Variants in NKD1 observed in about 807,000 individuals in gnomAD.
NKD1 encodes the protein protein naked cuticle homolog 1.
NKD1 carries 21 observed loss-of-function variants against 56.0 expected under a neutral mutation model. The ratio of observed to expected loss-of-function variants is 0.38; its 90% CI spans 0.27 to 0.54. The LOEUF (loss-of-function observed/expected upper bound fraction) is 0.54, where lower values mean the gene tolerates loss of function less well. Among genes scored for constraint, NKD1 ranks in the 20% least tolerant of loss-of-function variants. The pLI is 0.82. For synonymous variants in NKD1, 263 were observed against 265.7 expected, an observed-to-expected ratio of 0.99 and a Z score of 0.10; for missense variants, 578 against 642.7, an observed-to-expected ratio of 0.90 and a Z score of 1.09.
At position 50,621,673 on chromosome 16, in the gene NKD1, C is replaced by G; in HGVS notation, c.331C>G (p.Pro111Ala). The G allele has an allele frequency of 1.9e-6, 3 of 1,614,006 alleles. No homozygotes were observed. The highest frequency in any genetic ancestry group is 8.5e-7 in the Non-Finnish European group (1 of 1,179,940). The change falls in exon 5 of 10, where the codon CCC (proline) becomes GCC (alanine). Residue 111 changes from proline to alanine, a missense_variant. Coordinates refer to ENST00000268459, the MANE Select transcript of NKD1 (RefSeq NM_033119.5). ...GAAGAAGATGGAGAGAGTGAGCGAA[C>G]CCTGCCCAGGCTCCAAGAAGCAGCT... ...DEKKMERVSE[P>A]CPGSKKQLKF...
chr16:50,551,025 GCGAGGGCTTACTT>G (rs1960372633), intron 3 of NKD1, among the ~76,000 whole-genome samples: 2 of 152,074 alleles, frequency 1.3e-5, no homozygotes, highest in Non-Finnish European at 2.9e-5. Flanking sequence ...TTGAAATACA[GCGAGGGCTTACTT>G]CAATTGACTT....
chr16:50,571,391 T>C (rs1960880679), intron 3 of NKD1: 1 of 694,498 alleles, frequency 1.4e-6, no homozygotes, highest in South Asian at 6.4e-5. Flanking sequence ...TTTGTGCACA[T>C]GGAGGCTTTG....
intron 4 of NKD1, among the ~76,000 whole-genome samples, chr16:50,620,614 T>G (rs1455938121): frequency 6.6e-6 from 1 of 152,136 alleles, no homozygotes; most frequent in African/African-American, 2.4e-5. Context: ...AGAGGAGCTG[T>G]GAGTGTGGCC....
rs560434033 is a variant in NKD1, at chr16:50,567,137, G to A, written c.192+17582G>A. ...TGGGTTTATACTGAACCGTGTTGACGCTGGGCCTTAGTTTTCTTACCTATA... is the reference window on the plus strand; with the variant it reads ...TGGGTTTATACTGAACCGTGTTGACACTGGGCCTTAGTTTTCTTACCTATA... On this transcript the variant is annotated intron_variant, in intron 3 of 9. Transcript: ENST00000268459. Among the ~76,000 whole-genome samples the A allele has an allele frequency of 7.9e-5, 12 of 152,160 alleles. 1 individual carries two copies. The South Asian group carries it at 2.5e-3, about 32-fold the overall frequency.
In NKD1 at chr16:50,598,262, T is replaced by TGTGTGTGTGTGTGTGTGTGTGCGC. The variant is rs138964473; in HGVS notation, c.193-10031_193-10030insTGTGTGTGTGTGTGTGTGTGCGCG. On this transcript the variant is annotated intron_variant, in intron 3 of 9. Coordinates refer to ENST00000268459, the MANE Select transcript of NKD1 (RefSeq NM_033119.5). This position sits in a 1 kb window ranked among gnomAD's most constrained non-coding sequence, Gnocchi z 4.2. ...GTGTGTGTGTGTGTGTGTGTGTGTGTGCGCGCACACCTGTGCTCATGGACA... is the reference window on the plus strand; with the variant it reads ...GTGTGTGTGTGTGTGTGTGTGTGTGTGTGTGTGTGTGTGTGTGTGTGCGCGCGCGCACACCTGTGCTCATGGACA... 3.4e-4 allele frequency among the ~76,000 whole-genome samples: 51 copies of TGTGTGTGTGTGTGTGTGTGTGCGC among 148,654 alleles called. No homozygotes were observed. The highest frequency in any genetic ancestry group is 1.3e-3 in the African/African-American group (50 of 39,148).
chr16:50,569,638 TGAA>T (rs1327637401), intron 3 of NKD1, among the ~76,000 whole-genome samples: 2 of 152,148 alleles, frequency 1.3e-5, no homozygotes, highest in Non-Finnish European at 2.9e-5. Flanking sequence ...AGGATGAGTA[TGAA>T]GATTAAGAGA....
rs199990266 is a variant in NKD1, at chr16:50,633,280, C to T, written c.912C>T (p.His304=). 38 of 1,614,182 alleles carry T rather than the reference C, an allele frequency of 2.4e-5. No individual in the cohort carries two copies. The East Asian group carries it at 7.8e-4, about 33-fold the overall frequency. The change falls in exon 10 of 10, where the codon CAC becomes CAT. Residue 304 remains histidine, a synonymous_variant. Transcript: ENST00000268459. The surrounding 1 kb of genome is among the most constrained non-coding windows in gnomAD (Gnocchi z 4.9). ...RSRSHEPEAI[H]IPHRKPQGVD... ...GCTCCCATGAGCCGGAAGCCATCCA[C>T]ATCCCACACCGAAAGCCCCAAGGCG... is the stretch of plus-strand genomic sequence containing the variant.
chr16:50,563,301 T>C (rs28395257), intron 3 of NKD1, among the ~76,000 whole-genome samples: 24,398 of 99,092 alleles, frequency 0.25, 3,734 homozygotes, highest in African/African-American at 0.5. Flanking sequence ...GTGGGCACAG[T>C]CCTGGACCCA....
chr16:50,589,809 C>G (rs1961323647), intron 3 of NKD1, among the ~76,000 whole-genome samples: 1 of 110,776 alleles, frequency 9.0e-6, no homozygotes, highest in African/African-American at 3.5e-5. Context: ...CTCCTCTCCT[C>G]TCCTCTCCTC....
chr16:50,625,432 A>G, intron 5 of NKD1, 53 bp from the exon 6 acceptor site: 5 of 1,264,018 alleles, frequency 4.0e-6, no homozygotes, highest in Non-Finnish European at 5.8e-6. Context: ...TCCACTACCC[A>G]GTCAGTGTTG....
At chr16:50,609,191 G>A (rs1404676260) in intron 4 of NKD1, among the ~76,000 whole-genome samples, 1 of 152,240 alleles carries the variant, frequency 6.6e-6, no homozygotes, top group Non-Finnish European at 1.5e-5. Flanking sequence ...AGCGTAGAGG[G>A]TCTGCTGGCT....
chr16:50,585,326 C>T (rs937602068), intron 3 of NKD1, among the ~76,000 whole-genome samples: 1 of 152,158 alleles, frequency 6.6e-6, no homozygotes, highest in Non-Finnish European at 1.5e-5. Flanking sequence ...TTCCTGGGCT[C>T]AGGGGCTGGT....
intron 4 of NKD1, 135 bp downstream of exon 4, chr16:50,608,495 G>A: frequency 1.4e-6 from 1 of 710,188 alleles, no homozygotes. Flanking sequence ...TCTGGGTGGG[G>A]GTGGACTAGA....
At position 50,625,473 on chromosome 16, in the gene NKD1, C is replaced by G; in HGVS notation, c.367-12C>G. On this transcript the variant is annotated splice_polypyrimidine_tract_variant and intron_variant, in intron 5 of 9. Coordinates refer to ENST00000268459, the MANE Select transcript of NKD1 (RefSeq NM_033119.5). ...GATAGGGGACCAGCCCCGCCCATCT[C>G]TCTGCATCCAGGAGCTCCAGTGCGA... 6.3e-7 allele frequency: 1 copy of G among 1,594,870 alleles called. No individual in the cohort carries two copies. The highest frequency in any genetic ancestry group is 8.6e-7 in the Non-Finnish European group (1 of 1,163,080).
rs537724644 is a variant in NKD1 at position 50,639,511 on chromosome 16, C to T, written c.*5730C>T. ...CTGCCTTGAGGAGGATGTGCATTAA[C>T]GTGGTAGGGGAGACAGAGACAGCTC... On this transcript the variant is annotated 3_prime_UTR_variant, in exon 10 of 10. Transcript: ENST00000268459. The T allele has an allele frequency of 3.0e-4, 46 of 152,340 alleles. No homozygotes were observed. Among genetic ancestry groups the T allele is most frequent in the African/African-American group, 9.1e-4 (38 of 41,570 alleles). 9.4% of individuals were successfully genotyped at this position (152,340 alleles called of 1,614,324 possible).
intron 3 of NKD1, 117 bp downstream of exon 3, chr16:50,549,672 TC>T (rs1287647570): frequency 1.9e-6 from 2 of 1,072,014 alleles, no homozygotes; most frequent in Non-Finnish European, 2.5e-6. Context: ...GGTCTGAAAA[TC>T]TCTTCTCAGC....
intron 5 of NKD1, among the ~76,000 whole-genome samples, 196 bp downstream of exon 5, chr16:50,621,904 G>A (rs1596751494): frequency 6.6e-6 from 1 of 152,306 alleles, no homozygotes; most frequent in East Asian, 1.9e-4. Context: ...ACTCACCGCT[G>A]CCCACCCCCT....
rs899174210 is a variant in NKD1, at chr16:50,548,505, C to T, written c.-49C>T. The stretch of plus-strand genomic sequence containing the variant: ...AGAGCCAAGGGAGGCGCCAGGCCCG[C>T]GGGCCGGGCGCATGGCTTAGGGACG... On this transcript the variant is annotated 5_prime_UTR_variant, in exon 1 of 10. Coordinates refer to ENST00000268459, the MANE Select transcript of NKD1 (RefSeq NM_033119.5). 7.8e-6 allele frequency: 11 copies of T among 1,412,084 alleles called. No homozygotes were observed. The Admixed American group carries it at 1.4e-4, about 18-fold the overall frequency. 87.5% of individuals were successfully genotyped at this position (1,412,084 alleles called of 1,614,324 possible).
intron 3 of NKD1, among the ~76,000 whole-genome samples, chr16:50,590,968 G>T (rs768700505): frequency 6.6e-6 from 1 of 151,946 alleles, no homozygotes; most frequent in Non-Finnish European, 1.5e-5. Flanking sequence ...GGGATTACAG[G>T]TGCCTGCCAC....
Sources: gnomAD v4.1 joint callset for allele counts (sites outside exome capture counted in the v4.1 genomes callset) on GRCh38, gnomAD v4.1.1 for gene constraint, Gnocchi (gnomAD v3.1) non-coding constraint, MANE v1.5 for transcripts, NCBI Gene and HGNC (gene_info 2026-07-23, HGNC 2026-07-21) for gene names.